The following C1QL1 variants were observed in gnomAD, a reference collection of about 807,000 sequenced individuals.
The protein encoded by C1QL1 is complement C1q like 1.
In C1QL1, 15 loss-of-function variants were observed where a neutral mutation model predicts 14.2. The ratio of observed to expected loss-of-function variants is 1.06; its 90% CI spans 0.71 to 1.62. The LOEUF (loss-of-function observed/expected upper bound fraction) is 1.62. Among genes scored for constraint, C1QL1 ranks in the 40% most tolerant of loss-of-function variants. C1QL1 has a pLI of 0.00. For synonymous variants in C1QL1, 172 were observed against 172.4 expected, an observed-to-expected ratio of 1.00 and a Z score of 0.02; for missense variants, 346 against 380.3, an observed-to-expected ratio of 0.91 and a Z score of 0.75.
chr17:44,967,671 C>T lies in C1QL1; in HGVS notation c.378G>A (p.Thr126=). Reference sequence around the variant, plus strand: ...CGGCGTAGAAGGCCACGCGCGGCACCGTGGTGTAGGTGGCAGTGCTGATGG... The same window carrying T: ...CGGCGTAGAAGGCCACGCGCGGCACTGTGGTGTAGGTGGCAGTGCTGATGG... The part of the protein sequence containing the change: ...SGAISTATYT[T]VPRVAFYAGL... Residue 126 remains threonine (T), a synonymous_variant, in exon 1 of 2, where the codon ACG becomes ACA. Transcript: ENST00000253407. The surrounding 1 kb of genome is among the most constrained non-coding windows in gnomAD (Gnocchi z 7.0). The T allele has an allele frequency of 6.2e-7, 1 of 1,613,246 alleles. No homozygotes were observed.
chr17:44,963,843 A>G (rs930283245), intron 1 of C1QL1, among the ~76,000 whole-genome samples: 1 of 152,008 alleles, frequency 6.6e-6, no homozygotes, highest in African/African-American at 2.4e-5. Context: ...ACAGCCTCCT[A>G]CCCTGGATAA....
Position 44,959,982 on chromosome 17 carries a change from G to T in C1QL1, c.*206C>A. The stretch of plus-strand genomic sequence containing the variant: ...GCGGTCAACCCCGGTTCCCTGGCAC[G>T]GGGACAGGGCGCGCTGGGCCCGGCT... On this transcript the variant is annotated 3_prime_UTR_variant, in exon 2 of 2. Coordinates refer to ENST00000253407, the MANE Select transcript of C1QL1 (RefSeq NM_006688.5). 4 of 567,852 alleles carry T rather than the reference G, an allele frequency of 7.0e-6. No individual in the cohort carries two copies. Among genetic ancestry groups the T allele is most frequent in the Non-Finnish European group, 1.2e-5 (4 of 321,664 alleles). 35.2% of individuals were successfully genotyped at this position (567,852 alleles called of 1,614,324 possible).
chr17:44,967,849 C>T lies in C1QL1; in HGVS notation c.200G>A (p.Gly67Asp). The stretch of plus-strand genomic sequence containing the variant: ...GGTGCGGCCCGGCTTCCCCTGGGGG[C>T]CCTGCACCAGCGTGGAAGGCGGGGG... ...GAPPPSTLVQ[G>D]PQGKPGRTGK... Residue 67 changes from glycine to aspartate, a missense_variant, in exon 1 of 2, where the codon GGC (glycine) becomes GAC (aspartate). Coordinates refer to ENST00000253407, the MANE Select transcript of C1QL1 (RefSeq NM_006688.5). The surrounding 1 kb of genome is among the most constrained non-coding windows in gnomAD (Gnocchi z 7.0). 1 of 1,353,976 alleles carries T rather than the reference C, an allele frequency of 7.4e-7. No individual in the cohort carries two copies. The highest frequency in any genetic ancestry group is 9.4e-7 in the Non-Finnish European group (1 of 1,063,690). 83.9% of individuals were successfully genotyped at this position (1,353,976 alleles called of 1,614,324 possible). A position where few individuals can be genotyped will look rare whatever the true frequency, so the allele number is the denominator to read the frequency against.
At position 44,960,484 on chromosome 17, in the gene C1QL1, G is replaced by T. The variant is rs962514695; in HGVS notation, c.598-117C>A. The T allele has an allele frequency of 2.5e-5, 17 of 691,202 alleles. No individual in the cohort carries two copies. The African/African-American group carries it at 3.0e-4, about 12-fold the overall frequency. The allele number at this position is 691,202 out of a possible 1,614,324, so 42.8% of individuals were successfully genotyped here. The stretch of plus-strand genomic sequence containing the variant: ...ACCCAGAAACCTGGCCTCCAGCCTC[G>T]CCTCATCCCTGCCACGCTCCCCCTC... On this transcript the variant is annotated intron_variant, in intron 1 of 1. Transcript: ENST00000253407.
At chr17:44,964,064 A>T (rs1194826565) in intron 1 of C1QL1, among the ~76,000 whole-genome samples, 2 of 152,120 alleles carry the variant, frequency 1.3e-5, no homozygotes, top group Non-Finnish European at 2.9e-5. Context: ...AGGGGTGCTG[A>T]TGCAAGGCTA....
chr17:44,963,893 G>A (rs1004025813), intron 1 of C1QL1, among the ~76,000 whole-genome samples: 2 of 152,124 alleles, frequency 1.3e-5, no homozygotes, highest in Non-Finnish European at 2.9e-5. Context: ...TCCTCACAAA[G>A]CCCCCTGCCC....
At chr17:44,964,586 C>T (rs2981586) in intron 1 of C1QL1, among the ~76,000 whole-genome samples, 95,637 of 151,998 alleles carry the variant, frequency 0.63, 32,016 homozygotes, top group African/African-American at 0.88. Flanking sequence ...ACAGTATTCG[C>T]TGGGGCGTGT....
At chr17:44,963,590 G>A (rs2981587) in intron 1 of C1QL1, among the ~76,000 whole-genome samples, 94,969 of 151,872 alleles carry the variant, frequency 0.63, 31,548 homozygotes, top group African/African-American at 0.87. Flanking sequence ...ACCCGGCTAT[G>A]TTTTTTTGTA....
intron 1 of C1QL1, among the ~76,000 whole-genome samples, chr17:44,960,714 T>C (rs2052623280): frequency 6.6e-6 from 1 of 152,194 alleles, no homozygotes; most frequent in Admixed American, 6.5e-5. Context: ...AAAGAGGAAT[T>C]CTCTGGACCT....
chr17:44,967,911 G>C lies in C1QL1; in HGVS notation c.138C>G (p.Thr46=). The change falls in exon 1 of 2, where the codon ACC becomes ACG. Residue 46 remains threonine (T), a synonymous_variant. Transcript: ENST00000253407. The surrounding 1 kb of genome is among the most constrained non-coding windows in gnomAD (Gnocchi z 7.0). Reference sequence around the variant, plus strand: ...GCTCGCTCAGGGCGTCGCCGCCGTCGGTCCGCGCGCCGGCGCCGGGGCCCC... The same window carrying C: ...GCTCGCTCAGGGCGTCGCCGCCGTCCGTCCGCGCGCCGGCGCCGGGGCCCC... ...PARGPGAGAR[T]DGGDALSEQS... 1.6e-6 allele frequency: 2 copies of C among 1,252,532 alleles called. No homozygotes were observed. The highest frequency in any genetic ancestry group is 2.0e-6 in the Non-Finnish European group (2 of 1,003,428). The allele number at this position is 1,252,532 out of a possible 1,614,324, so 77.6% of individuals were successfully genotyped here. A position where few individuals can be genotyped will look rare whatever the true frequency, so the allele number is the denominator to read the frequency against.
intron 1 of C1QL1, among the ~76,000 whole-genome samples, chr17:44,965,993 C>G (rs1469080147): frequency 6.6e-6 from 1 of 152,102 alleles, no homozygotes; most frequent in Non-Finnish European, 1.5e-5. Flanking sequence ...AGGAGAGACA[C>G]GGGGATGTCT....
chr17:44,965,571 C>A (rs894193900), intron 1 of C1QL1, among the ~76,000 whole-genome samples: 8 of 152,222 alleles, frequency 5.3e-5, no homozygotes, highest in African/African-American at 1.4e-4. Context: ...CAGTGAGCAC[C>A]CCTTCATCAG....
chr17:44,965,574 T>G (rs1308077787), intron 1 of C1QL1, among the ~76,000 whole-genome samples: 2 of 152,236 alleles, frequency 1.3e-5, no homozygotes, highest in African/African-American at 4.8e-5. Flanking sequence ...TGAGCACCCC[T>G]TCATCAGACT....
chr17:44,967,499 C>G lies in C1QL1; in HGVS notation c.550G>C (p.Gly184Arg), dbSNP rs2052663264. 1 of 1,614,028 alleles carries G rather than the reference C, an allele frequency of 6.2e-7. No homozygotes were observed. The highest frequency in any genetic ancestry group is 8.5e-7 in the Non-Finnish European group (1 of 1,179,932). ...YFFTYHVLMRGGDGTSMWADL... is the reference protein window; with the variant it reads ...YFFTYHVLMRRGDGTSMWADL... ...GCCCACATACTGGTGCCGTCGCCGCCGCGCATGAGGACATGGTAGGTGAAA... is the reference window on the plus strand; with the variant it reads ...GCCCACATACTGGTGCCGTCGCCGCGGCGCATGAGGACATGGTAGGTGAAA... The change falls in exon 1 of 2, where the codon GGC becomes CGC. Residue 184 changes from glycine to arginine, a missense_variant. By Grantham distance (125) the Gly-to-Arg change is moderately radical. Transcript: ENST00000253407. This position sits in a 1 kb window ranked among gnomAD's most constrained non-coding sequence, Gnocchi z 7.0.
Position 44,968,136 on chromosome 17 carries a change from A to G in C1QL1, c.-88T>C. ...GGCCGCCCGGCCGCGCCGTCGGGGC[A>G]ATGGTGCCGGCGGGCAGGGGGCGCG... On this transcript the variant is annotated 5_prime_UTR_variant, in exon 1 of 2. Coordinates refer to ENST00000253407, the MANE Select transcript of C1QL1 (RefSeq NM_006688.5). 3.5e-6 allele frequency: 3 copies of G among 861,232 alleles called. No homozygotes were observed. Among genetic ancestry groups the G allele is most frequent in the Non-Finnish European group, 4.4e-6 (3 of 675,080 alleles). The allele number at this position is 861,232 out of a possible 1,614,324, so 53.3% of individuals were successfully genotyped here.
intron 1 of C1QL1, among the ~76,000 whole-genome samples, chr17:44,964,291 A>G (rs2143025870): frequency 6.6e-6 from 1 of 152,350 alleles, no homozygotes; most frequent in South Asian, 2.1e-4. Flanking sequence ...CTGAAGTCAC[A>G]AGAGATACAA....
In C1QL1 at chr17:44,968,062, G is replaced by A. The variant is rs2052668643; in HGVS notation, c.-14C>T. The A allele has an allele frequency of 1.5e-6, 2 of 1,299,718 alleles. No homozygotes were observed. Among genetic ancestry groups the A allele is most frequent in the African/African-American group, 1.5e-5 (1 of 64,816 alleles). 80.5% of individuals were successfully genotyped at this position (1,299,718 alleles called of 1,614,324 possible). On this transcript the variant is annotated 5_prime_UTR_variant, in exon 1 of 2. Transcript: ENST00000253407. ...CACCAGCAGCATCACCACACCCGCGGCGGCCGCTAGCAGCGTCTTTCGGCC... is the reference window on the plus strand; with the variant it reads ...CACCAGCAGCATCACCACACCCGCGACGGCCGCTAGCAGCGTCTTTCGGCC...
intron 1 of C1QL1, among the ~76,000 whole-genome samples, chr17:44,962,883 C>T (rs2052635675): frequency 6.6e-6 from 1 of 152,152 alleles, no homozygotes; most frequent in Non-Finnish European, 1.5e-5. Context: ...TTATTCATCA[C>T]CATGATTGTT....
At chr17:44,965,601 C>T (rs1416245849) in intron 1 of C1QL1, among the ~76,000 whole-genome samples, 1 of 152,234 alleles carries the variant, frequency 6.6e-6, no homozygotes, top group Non-Finnish European at 1.5e-5. Context: ...ACACCCTGCC[C>T]CTGCTGGAGG....
Sources: allele counts gnomAD v4.1 joint callset (sites outside exome capture counted in the v4.1 genomes callset), GRCh38; gene constraint gnomAD v4.1.1; non-coding constraint Gnocchi (gnomAD v3.1); transcripts MANE v1.5; gene names NCBI Gene and HGNC (gene_info 2026-07-23, HGNC 2026-07-21).